TENT5D: variants seen among roughly 807,000 people sequenced by gnomAD.
TENT5D encodes terminal nucleotidyltransferase 5D.
For synonymous variants in TENT5D, 103 were observed against 100.6 expected (o/e 1.02, Z -0.15); for missense variants, 191 against 287.0 (o/e 0.67, Z 2.42).
intron 1 of TENT5D, among the ~76,000 whole-genome samples, chrX:80,430,736 T>C (rs1932072577): frequency 9.0e-6 from 1 of 111,724 alleles, no homozygotes; most frequent in African/African-American, 3.3e-5. Context: ...TTTTTTCTTT[T>C]GAGTCCTAGG....
chrX:80,423,889 G>A (rs1392185375), intron 1 of TENT5D, among the ~76,000 whole-genome samples: 3 of 110,689 alleles, frequency 2.7e-5, no homozygotes, highest in South Asian at 7.7e-4. Context: ...AACAAAGGTT[G>A]GGCCTTGTTT....
intron 3 of TENT5D, among the ~76,000 whole-genome samples, chrX:80,372,512 A>G (rs1013142798): frequency 1.8e-5 from 2 of 111,608 alleles, no homozygotes; most frequent in African/African-American, 6.5e-5. Flanking sequence ...TGTGAAAGAT[A>G]AAATTTCTAG....
intron 3 of TENT5D, among the ~76,000 whole-genome samples, chrX:80,351,289 G>A (rs1227211534): frequency 2.7e-5 from 3 of 109,382 alleles, no homozygotes; most frequent in African/African-American, 6.7e-5. Context: ...CCAATCAATC[G>A]TAGGTTTGGT....
At chrX:80,356,475 A>G (rs771314249) in intron 3 of TENT5D, among the ~76,000 whole-genome samples, 16 of 111,586 alleles carry the variant, frequency 1.4e-4, no homozygotes, top group African/African-American at 5.2e-4. Context: ...ATTGTTCCTG[A>G]TTTTATGAAT....
chrX:80,385,146 G>A (rs1173000867), intron 3 of TENT5D, among the ~76,000 whole-genome samples: 2 of 111,414 alleles, frequency 1.8e-5, no homozygotes, highest in Admixed American at 9.6e-5. Flanking sequence ...AAAGCTGGAG[G>A]CATCACACTA....
chrX:80,410,695 A>G (rs1199520992), intron 3 of TENT5D, among the ~76,000 whole-genome samples: 8 of 106,103 alleles, frequency 7.5e-5, no homozygotes, highest in Non-Finnish European at 1.6e-4. Flanking sequence ...GCGATTCCTC[A>G]GGGATCTAGA....
At chrX:80,395,732 G>A (rs949938442) in intron 3 of TENT5D, among the ~76,000 whole-genome samples, 2 of 109,575 alleles carry the variant, frequency 1.8e-5, no homozygotes, top group Non-Finnish European at 3.8e-5. Context: ...CTAGCTATTT[G>A]AAACCATATA....
chrX:80,433,264 A>G (rs1320757167), intron 1 of TENT5D, among the ~76,000 whole-genome samples: 4 of 112,103 alleles, frequency 3.6e-5, no homozygotes, highest in Non-Finnish European at 5.6e-5. Context: ...AGGCATTTCT[A>G]TGGAGGGCCT....
exon 3 of TENT5D, chrX:80,444,930 C>G (rs1460296149): frequency 4.1e-5 from 5 of 122,356 alleles, no homozygotes; most frequent in Admixed American, 2.9e-4. Flanking sequence ...AGAAGAGGAG[C>G]TGTCTTAAAT....
At chrX:80,355,452 G>T (rs997042690) in intron 3 of TENT5D, among the ~76,000 whole-genome samples, 2 of 111,670 alleles carry the variant, frequency 1.8e-5, no homozygotes, top group Non-Finnish European at 3.8e-5. Flanking sequence ...AATATGGCAA[G>T]CCTTGGGAGA....
exon 3 of TENT5D, chrX:80,444,674 C>T (rs1284563578): frequency 8.2e-6 from 1 of 122,623 alleles, no homozygotes; most frequent in East Asian, 2.8e-4. Flanking sequence ...TTCATTGTAA[C>T]TAAATGAAGC....
At chrX:80,421,233 T>C (rs1602218728) in intron 1 of TENT5D, among the ~76,000 whole-genome samples, 2 of 111,988 alleles carry the variant, frequency 1.8e-5, no homozygotes. Flanking sequence ...GTCACTAGGC[T>C]AGAGTGCAGT....
chrX:80,343,387 ATTTC>A (rs1217142824), intron 3 of TENT5D, among the ~76,000 whole-genome samples: 3 of 76,484 alleles, frequency 3.9e-5, no homozygotes, highest in African/African-American at 1.5e-4. Flanking sequence ...AGGTCATTTT[ATTTC>A]TTTTTTTTTT....
chrX:80,359,633 T>C (rs1040169642), intron 3 of TENT5D, among the ~76,000 whole-genome samples: 2 of 110,401 alleles, frequency 1.8e-5, no homozygotes, highest in African/African-American at 3.3e-5. Flanking sequence ...CCAGGGCCTA[T>C]TGGGGGGTAG....
chrX:80,442,835 T>G, exon 3 of TENT5D: 2 of 1,210,902 alleles, frequency 1.7e-6, no homozygotes, highest in African/African-American at 3.5e-5. Flanking sequence ...GAATTTCAGG[T>G]TGTTAAAGAT....
chrX:80,435,026 G>A (rs1258810379), intron 1 of TENT5D, among the ~76,000 whole-genome samples: 5 of 109,860 alleles, frequency 4.6e-5, no homozygotes, highest in African/African-American at 1.3e-4. Flanking sequence ...CTCATGATCC[G>A]CCCGCCTCAG....
intron 2 of TENT5D, among the ~76,000 whole-genome samples, chrX:80,337,807 G>T (rs1248686805): frequency 1.8e-5 from 2 of 109,153 alleles, no homozygotes; most frequent in Non-Finnish European, 3.8e-5. Flanking sequence ...TCGCTCTGTT[G>T]CCCAGGCTGG....
At chrX:80,335,923 A>T (rs1313966980) in intron 2 of TENT5D, among the ~76,000 whole-genome samples, 2 of 110,381 alleles carry the variant, frequency 1.8e-5, no homozygotes, top group Non-Finnish European at 3.8e-5. Flanking sequence ...TATATATATA[A>T]GATACGAAAA....
chrX:80,365,233 T>G (rs900057862), intron 3 of TENT5D, among the ~76,000 whole-genome samples: 3 of 111,865 alleles, frequency 2.7e-5, no homozygotes, highest in African/African-American at 9.7e-5. Context: ...TTATACTTTA[T>G]ACTTAAAATT....
Sources: gnomAD v4.1 joint callset for allele counts (sites outside exome capture counted in the v4.1 genomes callset) on GRCh38, gnomAD v4.1.1 for gene constraint, MANE v1.5 for transcripts, NCBI Gene and HGNC (gene_info 2026-07-23, HGNC 2026-07-21) for gene names.